Variants in SMC4 observed in about 807,000 individuals in gnomAD.
SMC4 encodes structural maintenance of chromosomes 4.
A neutral mutation model predicts 145.6 loss-of-function variants in SMC4; 87 were observed. That is an observed-to-expected ratio of 0.60 (90% CI 0.50 to 0.71). SMC4 has a LOEUF of 0.71. Ranked by LOEUF, SMC4 falls within the 30% of genes least tolerant of loss-of-function variation. The probability of loss-of-function intolerance (pLI) is 0.00; values close to 1 mark genes in which losing one functional copy is unlikely to be tolerated. For missense variants in SMC4, 1,447 were observed against 1,537.1 expected (o/e 0.94, Z 0.98); for synonymous variants, 558 against 500.7 (o/e 1.11, Z -1.53).
intron 5 of SMC4, among the ~76,000 whole-genome samples, chr3:160,409,265 CAAAAAAAAAAAAAA>C (rs10547167): frequency 1.7e-3 from 108 of 61,978 alleles, no homozygotes; most frequent in African/African-American, 5.8e-3. Context: ...AACTCCGTCT[CAAAAAAAAAAAAAA>C]AAAAAAAAAA....
In SMC4 at chr3:160,416,434, T is replaced by C; in HGVS notation, c.1437+19T>C. 7.2e-7 allele frequency: 1 copy of C among 1,388,464 alleles called. No homozygotes were observed. Among genetic ancestry groups the C allele is most frequent in the Non-Finnish European group, 9.6e-7 (1 of 1,043,284 alleles). The allele number at this position is 1,388,464 out of a possible 1,614,324, so 86.0% of individuals were successfully genotyped here. The stretch of plus-strand genomic sequence containing the variant: ...AAAAGAAGTAAGTTTTTTTTTTTTA[T>C]CAGTGTTTATTTTGGTGGCTTTTTT... On this transcript the variant is annotated intron_variant, in intron 10 of 23. Coordinates refer to ENST00000357388, the MANE Select transcript of SMC4 (RefSeq NM_001002800.3).
intron 18 of SMC4, among the ~76,000 whole-genome samples, chr3:160,429,606 CAA>C (rs1454885457): frequency 6.6e-6 from 1 of 151,604 alleles, no homozygotes; most frequent in Non-Finnish European, 1.5e-5. Context: ...CTTGGCCTCC[CAA>C]AAGACTGAGA....
At position 160,420,770 on chromosome 3, in the gene SMC4, G is replaced by T; in HGVS notation, c.1888G>T (p.Asp630Tyr). 6.2e-7 allele frequency: 1 copy of T among 1,613,628 alleles called. No individual in the cohort carries two copies. The highest frequency in any genetic ancestry group is 8.5e-7 in the Non-Finnish European group (1 of 1,179,864). The stretch of plus-strand genomic sequence containing the variant: ...CTTAGGAGCCATTGATGAAAAATAC[G>T]ACGTGGCTATATCATCCTGTTGTCA... ...GDLGAIDEKY[D>Y]VAISSCCHAL... The change falls in exon 13 of 24, where the codon GAC becomes TAC. Residue 630 changes from aspartate to tyrosine, a missense_variant. Coordinates refer to ENST00000357388, the MANE Select transcript of SMC4 (RefSeq NM_001002800.3).
At chr3:160,407,073 TG>T (rs1403109125) in intron 5 of SMC4, among the ~76,000 whole-genome samples, 1 of 152,162 alleles carries the variant, frequency 6.6e-6, no homozygotes, top group African/African-American at 2.4e-5. Flanking sequence ...AAATTAGGGG[TG>T]CTTTTGCTCC....
intron 5 of SMC4, among the ~76,000 whole-genome samples, chr3:160,406,270 A>G (rs1352846545): frequency 6.6e-6 from 1 of 152,076 alleles, no homozygotes; most frequent in Non-Finnish European, 1.5e-5. Context: ...ATTCAGTTTG[A>G]CTCAATTAAA....
In SMC4 at chr3:160,417,709, T is replaced by G; in HGVS notation, c.1438-14T>G. On this transcript the variant is annotated splice_polypyrimidine_tract_variant and intron_variant, in intron 10 of 23. Coordinates refer to ENST00000357388, the MANE Select transcript of SMC4 (RefSeq NM_001002800.3). ...AAATATCTGTCCAGATTTAATGAACTCATATTTTAACAGAGTCGAGAGAAA... is the reference window on the plus strand; with the variant it reads ...AAATATCTGTCCAGATTTAATGAACGCATATTTTAACAGAGTCGAGAGAAA... The G allele has an allele frequency of 6.3e-7, 1 of 1,586,728 alleles. No individual in the cohort carries two copies. Among genetic ancestry groups the G allele is most frequent in the Non-Finnish European group, 8.6e-7 (1 of 1,161,310 alleles).
chr3:160,409,912 AT>A (rs1181121921), intron 5 of SMC4, among the ~76,000 whole-genome samples: 1 of 151,670 alleles, frequency 6.6e-6, no homozygotes, highest in Non-Finnish European at 1.5e-5. Context: ...TACAAAAAAA[AT>A]TTTTTTTTAA....
chr3:160,433,815 A>T lies in SMC4; in HGVS notation c.*6A>T. ...CATCTAAGGGACTTTGTTGAACTTT[A>T]TGCTGAAGATTCTTCAAGTTGATTC... On this transcript the variant is annotated 3_prime_UTR_variant, in exon 24 of 24. Coordinates refer to ENST00000357388, the MANE Select transcript of SMC4 (RefSeq NM_001002800.3). The T allele has an allele frequency of 6.3e-7, 1 of 1,595,122 alleles. No individual in the cohort carries two copies. The highest frequency in any genetic ancestry group is 8.5e-7 in the Non-Finnish European group (1 of 1,172,432).
chr3:160,430,799 G>A (rs1718321374), intron 19 of SMC4, 56 bp downstream of exon 19: 20 of 1,554,292 alleles, frequency 1.3e-5, no homozygotes, highest in Middle Eastern at 1.7e-4. Context: ...CCAATTTAAA[G>A]AGCTGGATAT....
At chr3:160,431,847 ATAC>A in intron 21 of SMC4, 22 bp downstream of exon 21, 2 of 1,584,612 alleles carry the variant, frequency 1.3e-6, no homozygotes, top group Non-Finnish European at 1.7e-6. Context: ...CTGTGTATGT[ATAC>A]TAGTTGGAGT....
intron 9 of SMC4, among the ~76,000 whole-genome samples, chr3:160,415,461 G>C (rs1029948333): frequency 1.3e-5 from 2 of 151,656 alleles, no homozygotes; most frequent in African/African-American, 2.4e-5. Context: ...CTTAACCCCA[G>C]CCCCGCAAAA....
At chr3:160,406,985 G>A (rs1228569079) in intron 5 of SMC4, among the ~76,000 whole-genome samples, 1 of 152,220 alleles carries the variant, frequency 6.6e-6, no homozygotes, top group Middle Eastern at 3.4e-3. Context: ...TACTTTGGGA[G>A]CCTCGGTCCC....
At chr3:160,423,157 C>CA (rs1360406225) in intron 13 of SMC4, among the ~76,000 whole-genome samples, 3 of 151,776 alleles carry the variant, frequency 2.0e-5, no homozygotes, top group East Asian at 1.9e-4. Flanking sequence ...ATTACTGCCA[C>CA]AAAAAAAGGC....
Position 160,414,061 on chromosome 3 carries a change from A to G in SMC4, c.1122-306A>G, listed in dbSNP as rs562247839. The G allele has an allele frequency of 4.7e-6, 2 of 421,912 alleles. 1 individual carries two copies. Among genetic ancestry groups the G allele is most frequent in the South Asian group, 3.6e-5 (2 of 55,118 alleles). The allele number at this position is 421,912 out of a possible 1,614,324, so 26.1% of individuals were successfully genotyped here. A position where few individuals can be genotyped will look rare whatever the true frequency, so the allele number is the denominator to read the frequency against. On this transcript the variant is annotated intron_variant, in intron 8 of 23. Coordinates refer to ENST00000357388, the MANE Select transcript of SMC4 (RefSeq NM_001002800.3). ...TTATTGTATAGTAACTTGTAAGTAT[A>G]TTCGTAAAAGGTAAAACCAAAATTT...
chr3:160,404,239 T>G, intron 4 of SMC4, 89 bp from the exon 5 acceptor site: 1 of 1,197,698 alleles, frequency 8.3e-7, no homozygotes, highest in Non-Finnish European at 1.2e-6. Flanking sequence ...TCCATAGAAT[T>G]AGTTTCAGTA....
Position 160,414,368 on chromosome 3 carries a change from A to G in SMC4, c.1123A>G (p.Lys375Glu), listed in dbSNP as rs748350029. Reference protein sequence around the residue: ...KNKDVKDTEKKLNKITKFIEE... With the variant: ...KNKDVKDTEKELNKITKFIEE... Reference sequence around the variant, plus strand: ...CTTACAATATACTTGCTTTGCTAGGAAACTGAATAAAATTACAAAATTTAT... The same window carrying G: ...CTTACAATATACTTGCTTTGCTAGGGAACTGAATAAAATTACAAAATTTAT... Residue 375 changes from lysine to glutamate, a missense_variant and splice_region_variant, in exon 9 of 24, where the codon AAA becomes GAA. By Grantham distance (56) the Lys-to-Glu change is moderately conservative (BLOSUM62 1). Transcript: ENST00000357388. The G allele has an allele frequency of 3.1e-6, 5 of 1,591,930 alleles. No individual in the cohort carries two copies. Among genetic ancestry groups the G allele is most frequent in the Non-Finnish European group, 4.3e-6 (5 of 1,162,026 alleles).
chr3:160,410,565 A>G (rs928089291), intron 5 of SMC4, among the ~76,000 whole-genome samples: 1 of 152,250 alleles, frequency 6.6e-6, no homozygotes, highest in African/African-American at 2.4e-5. Context: ...TACATAATAT[A>G]ATGAATGTTA....
At chr3:160,410,028 A>AGCTGCAGTGAGCTGGAG (rs1715808949) in intron 5 of SMC4, among the ~76,000 whole-genome samples, 3 of 152,140 alleles carry the variant, frequency 2.0e-5, no homozygotes, top group African/African-American at 7.2e-5. Flanking sequence ...GTGAGCTGAG[A>AGCTGCAGTGAGCTGGAG]CCACACCACT....
At position 160,433,802 on chromosome 3, in the gene SMC4, TTTG is replaced by T; in HGVS notation, c.3864_3866del (p.Cys1288del). On this transcript the variant is annotated inframe_deletion, in exon 24 of 24. Transcript: ENST00000357388. The stretch of plus-strand genomic sequence containing the variant: ...CCAAAAGAAATTGCATCTAAGGGAC[TTTG>T]TTGAACTTTATGCTGAAGATTCTTC... 6.3e-7 allele frequency: 1 copy of T among 1,599,956 alleles called. No homozygotes were observed.
Sources: gnomAD v4.1 joint callset for allele counts (sites outside exome capture counted in the v4.1 genomes callset) on GRCh38, gnomAD v4.1.1 for gene constraint, MANE v1.5 for transcripts, NCBI Gene and HGNC (gene_info 2026-07-23, HGNC 2026-07-21) for gene names.